The following GTSE1 variants were observed in gnomAD, a reference collection of about 807,000 sequenced individuals.
GTSE1 encodes the protein G2 and S-phase expressed 1, also known as G2 and S phase-expressed protein 1.
In GTSE1, 52 loss-of-function variants were observed where a neutral mutation model predicts 60.5. The ratio of observed to expected loss-of-function variants is 0.86; its 90% CI spans 0.69 to 1.08. GTSE1 has a LOEUF of 1.08. Among genes scored for constraint, GTSE1 ranks in the 50% least tolerant of loss-of-function variants. GTSE1 has a pLI of 0.00. For synonymous variants in GTSE1, 368 were observed against 386.5 expected (o/e 0.95, Z 0.56); for missense variants, 937 against 961.8 (o/e 0.97, Z 0.34).
rs2077765074 is a variant in GTSE1 at position 46,314,108 on chromosome 22, A to G, written c.1051+95A>G. On this transcript the variant is annotated intron_variant, in intron 6 of 11. Transcript: ENST00000454366. The surrounding 1 kb of genome is among the most constrained non-coding windows in gnomAD (Gnocchi z 7.1). ...GGAGACTGTTTCTGCAGAACCACTT[A>G]GGCTTGGCAGGACGTCCCGGAGGGC... 3.3e-6 allele frequency: 5 copies of G among 1,494,050 alleles called. No individual in the cohort carries two copies. The highest frequency in any genetic ancestry group is 4.0e-4 in the Middle Eastern group (2 of 5,022). The allele number at this position is 1,494,050 out of a possible 1,614,324, so 92.5% of individuals were successfully genotyped here.
chr22:46,297,857 C>T lies in GTSE1; in HGVS notation c.79+378C>T, dbSNP rs140807485. On this transcript the variant is annotated intron_variant, in intron 2 of 11. Transcript: ENST00000454366. This position sits in a 1 kb window ranked among gnomAD's most constrained non-coding sequence, Gnocchi z 4.9. ...TTAATGAGTAAGCCTGGCCCCAAAC[C>T]CCTTTCTTCTTGTGTCTTTGACTGG... 3.8e-3 allele frequency among the ~76,000 whole-genome samples: 574 copies of T among 152,180 alleles called. 1 individual carries two copies. Among genetic ancestry groups the T allele is most frequent in the Middle Eastern group, 6.8e-3 (2 of 294 alleles).
Position 46,328,756 on chromosome 22 carries a change from G to T in GTSE1, c.1793G>T (p.Gly598Val). ...SRLVDVSPDR[G>V]SPPSRVPQAL... is the part of the protein sequence containing the mutation. Reference sequence around the variant, plus strand: ...CTGGTGGATGTGTCCCCTGACAGGGGTTCTCCTCCTTCCCGTGTGCCTCAG... The same window carrying T: ...CTGGTGGATGTGTCCCCTGACAGGGTTTCTCCTCCTTCCCGTGTGCCTCAG... Residue 598 changes from glycine (G) to valine (V), a missense_variant, in exon 10 of 12, where the codon GGT (glycine) becomes GTT (valine). Physicochemically the swap from Gly to Val is moderately radical, Grantham distance 109. Transcript: ENST00000454366. The T allele has an allele frequency of 1.2e-6, 2 of 1,613,818 alleles. No individual in the cohort carries two copies. The highest frequency in any genetic ancestry group is 1.7e-6 in the Non-Finnish European group (2 of 1,179,658).
intron 2 of GTSE1, among the ~76,000 whole-genome samples, chr22:46,301,484 A>T (rs1049020391): frequency 6.6e-6 from 1 of 150,400 alleles, no homozygotes; most frequent in African/African-American, 2.4e-5. Context: ...TTTATTTTTA[A>T]TACTTTTTTT....
In GTSE1 at chr22:46,314,544, G is replaced by T. The variant is rs1452140471; in HGVS notation, c.1051+531G>T. ...TGCATTGGCCATGTGGCGTCTCGGG[G>T]TCGTTCAGGGCAGCATGGTGTGGAT... On this transcript the variant is annotated intron_variant, in intron 6 of 11. Transcript: ENST00000454366. The surrounding 1 kb of genome is among the most constrained non-coding windows in gnomAD (Gnocchi z 7.1). 1.3e-5 allele frequency among the ~76,000 whole-genome samples: 2 copies of T among 152,076 alleles called. No individual in the cohort carries two copies. Among genetic ancestry groups the T allele is most frequent in the African/African-American group, 2.4e-5 (1 of 41,416 alleles).
chr22:46,315,569 T>A (rs2077774121), intron 6 of GTSE1, among the ~76,000 whole-genome samples: 1 of 152,250 alleles, frequency 6.6e-6, no homozygotes, highest in Non-Finnish European at 1.5e-5. Flanking sequence ...CCCTAGTTTA[T>A]CTGGTCTTCT....
In GTSE1 at chr22:46,316,993, GCT is replaced by G; in HGVS notation, c.1432+584_1432+585del. Among the ~76,000 whole-genome samples, 1 of 148,754 alleles carries G rather than the reference GCT, an allele frequency of 6.7e-6. No homozygotes were observed. The highest frequency in any genetic ancestry group is 1.5e-5 in the Non-Finnish European group (1 of 67,548). On this transcript the variant is annotated intron_variant, in intron 7 of 11. Transcript: ENST00000454366. The surrounding 1 kb of genome is among the most constrained non-coding windows in gnomAD (Gnocchi z 5.0). ...TTTTTGTTTTTTGAGACGGAGTCTC[GCT>G]CTGTCACCCAGGGTGGAATGCAGTG...
Position 46,329,491 on chromosome 22 carries a change from G to A in GTSE1, c.2060G>A (p.Arg687Lys), listed in dbSNP as rs764251713. The change falls in exon 11 of 12, where the codon AGG (arginine) becomes AAG (lysine). Residue 687 changes from arginine to lysine, a missense_variant. Coordinates refer to ENST00000454366, the MANE Select transcript of GTSE1 (RefSeq NM_016426.7). The surrounding 1 kb of genome is among the most constrained non-coding windows in gnomAD (Gnocchi z 6.4). ...EAHVAVGSESRPLIDLMTNTP... is the reference protein window; with the variant it reads ...EAHVAVGSESKPLIDLMTNTP... ...CACGTGGCTGTAGGATCTGAAAGCAGGCCTCTGATCGACCTCATGACAAAC... is the reference window on the plus strand; with the variant it reads ...CACGTGGCTGTAGGATCTGAAAGCAAGCCTCTGATCGACCTCATGACAAAC... 1.7e-5 allele frequency: 27 copies of A among 1,614,080 alleles called. No individual in the cohort carries two copies. The African/African-American group carries it at 1.7e-4, about 10-fold the overall frequency.
At position 46,314,731 on chromosome 22, in the gene GTSE1, C is replaced by T. The variant is rs892088037; in HGVS notation, c.1051+718C>T. On this transcript the variant is annotated intron_variant, in intron 6 of 11. Coordinates refer to ENST00000454366, the MANE Select transcript of GTSE1 (RefSeq NM_016426.7). The surrounding 1 kb of genome is among the most constrained non-coding windows in gnomAD (Gnocchi z 7.1). ...TCTCTACTAAAAACACAAAAACTAG[C>T]CGGGCATGGTGGCGGGTGCCTGTAG... Among the ~76,000 whole-genome samples, 4 of 151,830 alleles carry T rather than the reference C, an allele frequency of 2.6e-5. No homozygotes were observed. The highest frequency in any genetic ancestry group is 5.9e-5 in the Non-Finnish European group (4 of 67,984).
rs1330274856 is a variant in GTSE1 at position 46,304,222 on chromosome 22, G to A, written c.80-3928G>A. On this transcript the variant is annotated intron_variant, in intron 2 of 11. Coordinates refer to ENST00000454366, the MANE Select transcript of GTSE1 (RefSeq NM_016426.7). The surrounding 1 kb of genome is among the most constrained non-coding windows in gnomAD (Gnocchi z 4.4). ...TGCGAGGGCTGGCCTTGAACCCCTGGGCCTCAAGTGATCCTCCTTGGCCTC... is the reference window on the plus strand; with the variant it reads ...TGCGAGGGCTGGCCTTGAACCCCTGAGCCTCAAGTGATCCTCCTTGGCCTC... 6.6e-6 allele frequency among the ~76,000 whole-genome samples: 1 copy of A among 151,872 alleles called. No homozygotes were observed. The highest frequency in any genetic ancestry group is 2.4e-5 in the African/African-American group (1 of 41,320).
intron 8 of GTSE1, among the ~76,000 whole-genome samples, chr22:46,326,100 A>G (rs1266957543): frequency 6.6e-6 from 1 of 152,274 alleles, no homozygotes. Flanking sequence ...TGATTTGCTC[A>G]GTCTCTTCTG....
intron 9 of GTSE1, among the ~76,000 whole-genome samples, chr22:46,328,173 G>A (rs762088976): frequency 1.4e-4 from 21 of 152,206 alleles, no homozygotes; most frequent in South Asian, 4.1e-4. Context: ...AGCAGCGCCC[G>A]TGCAGGGTCC....
At position 46,329,616 on chromosome 22, in the gene GTSE1, G is replaced by C; in HGVS notation, c.2136+49G>C. 1 of 1,468,444 alleles carries C rather than the reference G, an allele frequency of 6.8e-7. No homozygotes were observed. Among genetic ancestry groups the C allele is most frequent in the Non-Finnish European group, 9.5e-7 (1 of 1,048,704 alleles). 91.0% of individuals were successfully genotyped at this position (1,468,444 alleles called of 1,614,324 possible). ...GTTGACTCAGCCCTGGGTGTCCTCA[G>C]TTCTGGGATTGTTCATCCTCCCAGG... On this transcript the variant is annotated intron_variant, in intron 11 of 11. Coordinates refer to ENST00000454366, the MANE Select transcript of GTSE1 (RefSeq NM_016426.7). The surrounding 1 kb of genome is among the most constrained non-coding windows in gnomAD (Gnocchi z 6.4).
chr22:46,328,305 C>T (rs2077855278), intron 9 of GTSE1, among the ~76,000 whole-genome samples: 1 of 152,216 alleles, frequency 6.6e-6, no homozygotes. Context: ...TGCATACCCA[C>T]CTAGGCCTAG....
In GTSE1 at chr22:46,304,839, G is replaced by A. The variant is rs2077707470; in HGVS notation, c.80-3311G>A. On this transcript the variant is annotated intron_variant, in intron 2 of 11. Transcript: ENST00000454366. The surrounding 1 kb of genome is among the most constrained non-coding windows in gnomAD (Gnocchi z 4.4). ...ACAAAAAATACAAATATTAGCCAGG[G>A]ATGGTTGTGCGTGCCTGTAGTCCCA... 6.6e-6 allele frequency among the ~76,000 whole-genome samples: 1 copy of A among 152,170 alleles called. No homozygotes were observed. Among genetic ancestry groups the A allele is most frequent in the Non-Finnish European group, 1.5e-5 (1 of 68,038 alleles).
In GTSE1 at chr22:46,309,737, G is replaced by A. The variant is rs967171909; in HGVS notation, c.762+794G>A. Among the ~76,000 whole-genome samples the A allele has an allele frequency of 1.1e-4, 17 of 152,182 alleles. No homozygotes were observed. The highest frequency in any genetic ancestry group is 3.9e-4 in the African/African-American group (16 of 41,434). On this transcript the variant is annotated intron_variant, in intron 4 of 11. Coordinates refer to ENST00000454366, the MANE Select transcript of GTSE1 (RefSeq NM_016426.7). The surrounding 1 kb of genome is among the most constrained non-coding windows in gnomAD (Gnocchi z 6.2). ...GATGGAAGGCAGCCGAGGTGCAGCC[G>A]CCACGCCACACACTGCCCTTGACAA...
chr22:46,318,897 G>A lies in GTSE1; in HGVS notation c.1432+2485G>A, dbSNP rs1335314937. Among the ~76,000 whole-genome samples, 1 of 152,044 alleles carries A rather than the reference G, an allele frequency of 6.6e-6. No homozygotes were observed. The highest frequency in any genetic ancestry group is 2.1e-4 in the South Asian group (1 of 4,828). ...CCTCATGGTCTAGTGTGGCTGCACC[G>A]GCTCTGGCCCTCATACCTCCCGGCA... On this transcript the variant is annotated intron_variant, in intron 7 of 11. Transcript: ENST00000454366. The surrounding 1 kb of genome is among the most constrained non-coding windows in gnomAD (Gnocchi z 4.8).
intron 2 of GTSE1, 47 bp from the exon 3 acceptor site, chr22:46,308,103 C>A: frequency 7.9e-7 from 1 of 1,269,418 alleles, no homozygotes; most frequent in Non-Finnish European, 1.2e-6. Flanking sequence ...ATATTTTTCT[C>A]TTTATCAGCT....
rs766939097 is a variant in GTSE1, at chr22:46,329,375, C to G, written c.1944C>G (p.Ile648Met). ...AAPSEALLVD[I>M]KLEPLAVTPD... ...GTACCCAGGCTCTTCTTGTAGATATCAAACTGGAACCACTCGCGGTCACTC... is the reference window on the plus strand; with the variant it reads ...GTACCCAGGCTCTTCTTGTAGATATGAAACTGGAACCACTCGCGGTCACTC... Residue 648 changes from isoleucine (I) to methionine (M), a missense_variant, in exon 11 of 12, where the codon ATC becomes ATG. Coordinates refer to ENST00000454366, the MANE Select transcript of GTSE1 (RefSeq NM_016426.7). The surrounding 1 kb of genome is among the most constrained non-coding windows in gnomAD (Gnocchi z 6.4). 19 of 1,613,856 alleles carry G rather than the reference C, an allele frequency of 1.2e-5. No individual in the cohort carries two copies. Among genetic ancestry groups the G allele is most frequent in the Admixed American group, 1.7e-5 (1 of 60,014 alleles).
In GTSE1 at chr22:46,329,935, C is replaced by A; in HGVS notation, c.2137-112C>A. On this transcript the variant is annotated intron_variant, in intron 11 of 11. Coordinates refer to ENST00000454366, the MANE Select transcript of GTSE1 (RefSeq NM_016426.7). This position sits in a 1 kb window ranked among gnomAD's most constrained non-coding sequence, Gnocchi z 6.4. ...CAGAGTGCTTTTCAGTGCACCCGAG[C>A]CAGGATGAGCGAGTGGCTGTGATGA... The A allele has an allele frequency of 1.4e-6, 1 of 722,388 alleles. No individual in the cohort carries two copies. Among genetic ancestry groups the A allele is most frequent in the East Asian group, 2.6e-5 (1 of 38,968 alleles). 44.7% of individuals were successfully genotyped at this position (722,388 alleles called of 1,614,324 possible).
Sources: gnomAD v4.1 joint callset for allele counts (sites outside exome capture counted in the v4.1 genomes callset) on GRCh38, gnomAD v4.1.1 for gene constraint, Gnocchi (gnomAD v3.1) non-coding constraint, MANE v1.5 for transcripts, NCBI Gene and HGNC (gene_info 2026-07-23, HGNC 2026-07-21) for gene names.